The following ADGRV1 variants were observed in gnomAD, a reference collection of about 807,000 sequenced individuals.
ADGRV1 encodes the protein adhesion G protein-coupled receptor V1, also known as G-protein coupled receptor 98.
Under a neutral mutation model 596.2 loss-of-function variants are expected in ADGRV1, and 359 were observed. That is an observed-to-expected ratio of 0.60 (90% CI 0.55 to 0.66). The LOEUF is 0.66. Ranked by LOEUF, ADGRV1 falls within the 30% of genes least tolerant of loss-of-function variation. The pLI is 0.00. For missense variants in ADGRV1, 7,274 were observed against 7,575.6 expected (o/e 0.96, Z 1.48); for synonymous variants, 2,681 against 2,679.2 (o/e 1.00, Z -0.02).
At chr5:90,617,128 CA>C (rs1341204081) in intron 2 of ADGRV1, 2 of 152,052 alleles carry the variant, frequency 1.3e-5, no homozygotes, top group Non-Finnish European at 2.9e-5. Context: ...ATATATACAA[CA>C]TTTTTTTGAG....
intron 86 of ADGRV1, among the ~76,000 whole-genome samples, 174 bp downstream of exon 86, chr5:91,072,778 CCCTT>C (rs2151395790): frequency 6.6e-6 from 1 of 152,280 alleles, no homozygotes; most frequent in South Asian, 2.1e-4. Context: ...TCTGATGTCT[CCCTT>C]TCTTCAGGGC....
chr5:90,756,846 A>T, intron 56 of ADGRV1, 133 bp from the exon 57 acceptor site: 1 of 788,494 alleles, frequency 1.3e-6, no homozygotes, highest in Non-Finnish European at 2.0e-6. Flanking sequence ...TTTTATGCAT[A>T]CTTATATCTG....
chr5:90,647,064 G>A (rs371620054), intron 16 of ADGRV1, among the ~76,000 whole-genome samples: 13 of 152,050 alleles, frequency 8.5e-5, no homozygotes, highest in Non-Finnish European at 1.6e-4. Context: ...GAGCCACTGC[G>A]CCCAGCCTGA....
chr5:90,755,212 T>A (rs1355226568), intron 55 of ADGRV1, 27 bp downstream of exon 55: 12 of 1,492,440 alleles, frequency 8.0e-6, no homozygotes, highest in African/African-American at 2.8e-5. Context: ...AAGAATGTGA[T>A]CTAAAATAGA....
intron 85 of ADGRV1, among the ~76,000 whole-genome samples, chr5:91,032,006 G>T (rs1784520950): frequency 6.6e-6 from 1 of 151,504 alleles, no homozygotes; most frequent in African/African-American, 2.5e-5. Context: ...AGAATCAGAA[G>T]TGCCACATGT....
intron 86 of ADGRV1, among the ~76,000 whole-genome samples, chr5:91,095,887 A>G (rs1790817597): frequency 6.6e-6 from 1 of 151,442 alleles, no homozygotes; most frequent in Admixed American, 6.6e-5. Context: ...GGTTCGTGTC[A>G]TGCTCCTGCC....
At chr5:91,124,593 A>G (rs987920742) in intron 87 of ADGRV1, among the ~76,000 whole-genome samples, 1 of 152,324 alleles carries the variant, frequency 6.6e-6, no homozygotes, top group African/African-American at 2.4e-5. Flanking sequence ...TGACTGCAAA[A>G]AACTCATAAC....
intron 86 of ADGRV1, among the ~76,000 whole-genome samples, chr5:91,083,459 A>G (rs956405243): frequency 2.6e-5 from 4 of 152,228 alleles, no homozygotes; most frequent in Non-Finnish European, 5.9e-5. Context: ...AACAGTTTAC[A>G]TATTATAAAA....
chr5:90,722,272 A>G (rs932379133), intron 45 of ADGRV1, among the ~76,000 whole-genome samples: 2 of 152,174 alleles, frequency 1.3e-5, no homozygotes, highest in African/African-American at 4.8e-5. Flanking sequence ...GTGCAGTTGG[A>G]TGGGAGAAGG....
chr5:90,754,838 C>G (rs1159341642), intron 54 of ADGRV1, 145 bp from the exon 55 acceptor site: 1 of 590,062 alleles, frequency 1.7e-6, no homozygotes, highest in Admixed American at 3.0e-5. Context: ...CAGAATGATC[C>G]TTGGGAGTAT....
intron 59 of ADGRV1, among the ~76,000 whole-genome samples, chr5:90,771,420 C>G (rs932447637): frequency 1.3e-5 from 2 of 152,130 alleles, no homozygotes; most frequent in Non-Finnish European, 2.9e-5. Flanking sequence ...AAGGCTTAAT[C>G]TAAACAAAGG....
At position 90,657,312 on chromosome 5, in the gene ADGRV1, G is replaced by A. The variant is rs78945816; in HGVS notation, c.4379-593G>A. Reference sequence around the variant, plus strand: ...AAGCCAGGCCTGGCAGTGGACTCCTGTAGTGATGTCCTTGCTATTTGTTAG... The same window carrying A: ...AAGCCAGGCCTGGCAGTGGACTCCTATAGTGATGTCCTTGCTATTTGTTAG... On this transcript the variant is annotated intron_variant, in intron 20 of 89. Coordinates refer to ENST00000405460, the MANE Select transcript of ADGRV1 (RefSeq NM_032119.4). Among the ~76,000 whole-genome samples, 82 of 151,872 alleles carry A rather than the reference G, an allele frequency of 5.4e-4. 1 individual carries two copies. The East Asian group carries it at 0.015, about 27-fold the overall frequency.
intron 75 of ADGRV1, among the ~76,000 whole-genome samples, chr5:90,820,194 C>A (rs2150279690): frequency 6.7e-6 from 1 of 148,410 alleles, no homozygotes; most frequent in East Asian, 2.0e-4. Context: ...CTCTTTTGAT[C>A]TTTGTTGGTT....
At chr5:91,018,911 T>C (rs1359802942) in intron 85 of ADGRV1, among the ~76,000 whole-genome samples, 1 of 151,956 alleles carries the variant, frequency 6.6e-6, no homozygotes, top group Non-Finnish European at 1.5e-5. Flanking sequence ...CATCTAGGTG[T>C]TGAGCCGGTG....
At chr5:90,578,574 T>C (rs186257129) in intron 1 of ADGRV1, among the ~76,000 whole-genome samples, 1 of 152,268 alleles carries the variant, frequency 6.6e-6, no homozygotes, top group Admixed American at 6.5e-5. Context: ...TAAAATTCTC[T>C]TTTTTTGTTG....
chr5:91,148,224 T>C (rs1438982470), intron 87 of ADGRV1, among the ~76,000 whole-genome samples: 1 of 152,134 alleles, frequency 6.6e-6, no homozygotes, highest in East Asian at 1.9e-4. Context: ...GAAATTTGCA[T>C]AAGTAATGAG....
chr5:91,004,589 A>G (rs1433581293), intron 85 of ADGRV1, among the ~76,000 whole-genome samples: 2 of 98,686 alleles, frequency 2.0e-5, no homozygotes, highest in African/African-American at 1.3e-4. Flanking sequence ...AGACATTGTA[A>G]TCTTTCACTT....
chr5:90,601,439 A>C (rs1022224384), intron 1 of ADGRV1, among the ~76,000 whole-genome samples: 1 of 152,234 alleles, frequency 6.6e-6, no homozygotes, highest in Admixed American at 6.5e-5. Flanking sequence ...CTTTTAAATA[A>C]TAAAAAGTAA....
At chr5:90,790,781 T>C (rs1405824808) in intron 69 of ADGRV1, 92 bp from the exon 70 acceptor site, 1 of 786,794 alleles carries the variant, frequency 1.3e-6, no homozygotes, top group Non-Finnish European at 2.0e-6. Context: ...ATATTTTTTT[T>C]TTGTATATTA....
Sources: gnomAD v4.1 joint callset for allele counts (sites outside exome capture counted in the v4.1 genomes callset) on GRCh38, gnomAD v4.1.1 for gene constraint, MANE v1.5 for transcripts, NCBI Gene and HGNC (gene_info 2026-07-23, HGNC 2026-07-21) for gene names.